TENM4: variants seen among roughly 807,000 people sequenced by gnomAD.
TENM4 encodes the protein teneurin transmembrane protein 4.
TENM4 carries 82 observed loss-of-function variants against 243.3 expected under a neutral mutation model. The ratio of observed to expected loss-of-function variants is 0.34; its 90% CI spans 0.28 to 0.40. The LOEUF (loss-of-function observed/expected upper bound fraction) is 0.40. Among genes scored for constraint, TENM4 ranks in the 10% least tolerant of loss-of-function variants. The probability of loss-of-function intolerance (pLI) is 1.00; values close to 1 mark genes in which losing one functional copy is unlikely to be tolerated. For synonymous variants in TENM4, 1,412 were observed against 1,456.3 expected, an observed-to-expected ratio of 0.97 and a Z score of 0.69; for missense variants, 3,138 against 3,673.3, an observed-to-expected ratio of 0.85 and a Z score of 3.77.
intron 30 of TENM4, among the ~76,000 whole-genome samples, chr11:78,673,679 G>C (rs1590930208): frequency 6.6e-6 from 1 of 152,310 alleles, no homozygotes; most frequent in Non-Finnish European, 1.5e-5. Context: ...TAAATCAGTG[G>C]AGTGCTAGGC....
chr11:79,150,613 G>A (rs1179404992), intron 3 of TENM4, among the ~76,000 whole-genome samples: 1 of 152,122 alleles, frequency 6.6e-6, no homozygotes, highest in East Asian at 1.9e-4. Context: ...TGTTGTCACT[G>A]CATATTCCAG....
chr11:78,685,249 T>C (rs1163029132), intron 29 of TENM4, among the ~76,000 whole-genome samples: 1 of 152,240 alleles, frequency 6.6e-6, no homozygotes, highest in Non-Finnish European at 1.5e-5. Context: ...CCATCTCAGA[T>C]GATCCCATTT....
At chr11:79,049,361 T>G (rs531819176) in intron 6 of TENM4, among the ~76,000 whole-genome samples, 53 of 152,336 alleles carry the variant, frequency 3.5e-4, no homozygotes, top group African/African-American at 1.2e-3. Context: ...CTCACAAAGT[T>G]TATAATCACT....
intron 1 of TENM4, among the ~76,000 whole-genome samples, chr11:79,337,208 A>G (rs1857162048): frequency 6.6e-6 from 1 of 152,210 alleles, no homozygotes; most frequent in South Asian, 2.1e-4. Context: ...TCAATATACA[A>G]GGAATCGGCC....
chr11:78,930,530 A>G (rs1339025902), intron 6 of TENM4, among the ~76,000 whole-genome samples: 1 of 152,168 alleles, frequency 6.6e-6, no homozygotes, highest in Admixed American at 6.5e-5. Flanking sequence ...GATCTTGACA[A>G]TGACTTATCC....
intron 20 of TENM4, among the ~76,000 whole-genome samples, chr11:78,734,746 C>T (rs948159883): frequency 6.6e-5 from 10 of 152,170 alleles, no homozygotes; most frequent in African/African-American, 1.2e-4. Context: ...CTGCCCCACA[C>T]GCATGGCATT....
chr11:78,973,172 G>C (rs1012404355), intron 6 of TENM4, among the ~76,000 whole-genome samples: 1 of 152,226 alleles, frequency 6.6e-6, no homozygotes, highest in African/African-American at 2.4e-5. Flanking sequence ...CTGTGTGAGA[G>C]TATGTTTTTA....
chr11:79,322,994 G>A (rs7929414), intron 1 of TENM4, among the ~76,000 whole-genome samples: 31,792 of 152,112 alleles, frequency 0.21, 3,724 homozygotes, highest in East Asian at 0.33. Flanking sequence ...TCCATGGCTG[G>A]TGCTGGATTC....
chr11:78,995,088 T>C (rs1286047024), intron 6 of TENM4, among the ~76,000 whole-genome samples: 1 of 152,226 alleles, frequency 6.6e-6, no homozygotes, highest in Non-Finnish European at 1.5e-5. Flanking sequence ...CTTGGAAGTC[T>C]AGCCTCCTCT....
chr11:79,211,582 A>G (rs564740665), intron 3 of TENM4, among the ~76,000 whole-genome samples: 79 of 152,318 alleles, frequency 5.2e-4, no homozygotes, highest in African/African-American at 1.8e-3. Flanking sequence ...CTATATAGCC[A>G]AACGTTGAAG....
intron 28 of TENM4, among the ~76,000 whole-genome samples, chr11:78,694,039 T>C (rs375080873): frequency 1.3e-5 from 2 of 152,210 alleles, no homozygotes; most frequent in East Asian, 3.9e-4. Flanking sequence ...ATATAGTTGC[T>C]GTGAACTTGG....
chr11:79,293,531 AAGAAAAAAAAGT>A (rs1856391970), intron 2 of TENM4, among the ~76,000 whole-genome samples: 1 of 151,538 alleles, frequency 6.6e-6, no homozygotes. Flanking sequence ...GAAAAAAAAA[AAGAAAAAAAAGT>A]GTTAGGGAAA....
At chr11:79,313,935 T>C (rs1856762552) in intron 1 of TENM4, among the ~76,000 whole-genome samples, 1 of 152,196 alleles carries the variant, frequency 6.6e-6, no homozygotes, top group Non-Finnish European at 1.5e-5. Flanking sequence ...TACTCCCCGG[T>C]GGCCAATCCT....
chr11:79,253,854 G>GA (rs1855655145), intron 2 of TENM4, among the ~76,000 whole-genome samples: 2 of 151,934 alleles, frequency 1.3e-5, no homozygotes, highest in Admixed American at 1.3e-4. Context: ...CAATCCAGTA[G>GA]AAAAAAATAG....
In TENM4 at chr11:78,975,589, TAC is replaced by T. The variant is rs970037084; in HGVS notation, c.494-72068_494-72067del. Among the ~76,000 whole-genome samples, 41 of 137,040 alleles carry T rather than the reference TAC, an allele frequency of 3.0e-4. No individual in the cohort carries two copies. In the East Asian group the frequency reaches 6.2e-3, roughly 21 times the overall value. The allele number at this position is 137,040 out of a possible 152,430, so 89.9% of individuals were successfully genotyped here. ...CAAGTCATTTATTACTTCCTTGGGA[TAC>T]ACACACCCACACACACACACACACA... On this transcript the variant is annotated intron_variant, in intron 6 of 33. Coordinates refer to ENST00000278550, the MANE Select transcript of TENM4 (RefSeq NM_001098816.3).
chr11:79,050,119 G>A (rs1032552456), intron 6 of TENM4, among the ~76,000 whole-genome samples: 1 of 152,196 alleles, frequency 6.6e-6, no homozygotes, highest in African/African-American at 2.4e-5. Context: ...CCTGGACTGG[G>A]GAGATGATGT....
At chr11:79,354,855 A>G (rs1226778186) in intron 1 of TENM4, among the ~76,000 whole-genome samples, 1 of 152,236 alleles carries the variant, frequency 6.6e-6, no homozygotes, top group Non-Finnish European at 1.5e-5. Context: ...TATCCTAAAG[A>G]TAAGCTGGCA....
chr11:79,124,319 G>A (rs1861816014), intron 4 of TENM4, among the ~76,000 whole-genome samples: 1 of 152,092 alleles, frequency 6.6e-6, no homozygotes, highest in Admixed American at 6.5e-5. Context: ...AGTGGGCTGG[G>A]AAAGGCAGAC....
intron 28 of TENM4, among the ~76,000 whole-genome samples, chr11:78,693,784 G>T (rs965868328): frequency 4.6e-5 from 7 of 152,220 alleles, no homozygotes; most frequent in African/African-American, 1.7e-4. Context: ...GAGGCCAAGG[G>T]GGGTGGATCA....
Sources: allele counts gnomAD v4.1 joint callset (sites outside exome capture counted in the v4.1 genomes callset), GRCh38; gene constraint gnomAD v4.1.1; transcripts MANE v1.5; gene names NCBI Gene and HGNC (gene_info 2026-07-23, HGNC 2026-07-21).